The following CSN1S1 variants were observed in gnomAD, a reference collection of about 807,000 sequenced individuals.
CSN1S1 encodes alpha-S1-casein.
A neutral mutation model predicts 49.1 loss-of-function variants in CSN1S1; 63 were observed. The observed-to-expected ratio is 1.28, with a 90% CI of 1.05 to 1.58. The LOEUF (loss-of-function observed/expected upper bound fraction) is 1.58, where lower values mean the gene tolerates loss of function less well. Among genes scored for constraint, CSN1S1 ranks in the 40% most tolerant of loss-of-function variants. CSN1S1 has a pLI of 0.00. For missense variants in CSN1S1, 260 were observed against 224.7 expected (o/e 1.16, Z -1.01); for synonymous variants, 78 against 67.1 (o/e 1.16, Z -0.79).
Position 69,933,411 on chromosome 4 carries a change from A to G in CSN1S1, c.52-801A>G, listed in dbSNP as rs1722670861. ...TTCTGAAATGCAGATATAGCCTGTC[A>G]TTTACACTGACAGACTTGTTCTCTA... On this transcript the variant is annotated intron_variant, in intron 2 of 15. Transcript: ENST00000246891. Among the ~76,000 whole-genome samples the G allele has an allele frequency of 3.3e-5, 5 of 151,950 alleles. No individual in the cohort carries two copies. In the South Asian group the frequency reaches 1.0e-3, roughly 31 times the overall value.
chr4:69,946,172 A>G (rs1233733767), intron 15 of CSN1S1, 24 bp from the exon 16 acceptor site: 2 of 529,382 alleles, frequency 3.8e-6, no homozygotes, highest in Non-Finnish European at 7.0e-6. Flanking sequence ...ATAACTCACC[A>G]CATATTTCTA....
intron 14 of CSN1S1, 74 bp downstream of exon 14, chr4:69,942,651 C>T (rs1723014854): frequency 2.6e-6 from 3 of 1,165,110 alleles, no homozygotes; most frequent in African/African-American, 1.6e-5. Flanking sequence ...TTAAATAGCC[C>T]CCTACTCTTG....
intron 8 of CSN1S1, 102 bp downstream of exon 8, chr4:69,937,246 A>T: frequency 1.2e-6 from 1 of 853,280 alleles, no homozygotes; most frequent in South Asian, 1.9e-5. Context: ...TATGGCAGAT[A>T]ACTCTAATTC....
At chr4:69,944,795 A>G (rs1024630572) in intron 14 of CSN1S1, 55 bp from the exon 15 acceptor site, 53 of 1,546,204 alleles carry the variant, frequency 3.4e-5, no homozygotes, top group Non-Finnish European at 4.2e-5. Context: ...TTTTTCAGGG[A>G]CTGAAAAAAG....
chr4:69,935,571 A>T (rs1436925611), intron 4 of CSN1S1, among the ~76,000 whole-genome samples: 1 of 152,008 alleles, frequency 6.6e-6, no homozygotes, highest in African/African-American at 2.4e-5. Flanking sequence ...TTGTTGTTTA[A>T]CCTAAGTTAA....
chr4:69,935,005 T>C (rs1173328551), intron 4 of CSN1S1, among the ~76,000 whole-genome samples: 1 of 152,110 alleles, frequency 6.6e-6, no homozygotes, highest in Non-Finnish European at 1.5e-5. Context: ...TAAAACTAAT[T>C]ATTTGTTCTT....
chr4:69,940,887 C>G, intron 11 of CSN1S1, 132 bp from the exon 12 acceptor site: 1 of 494,362 alleles, frequency 2.0e-6, no homozygotes, highest in Non-Finnish European at 3.7e-6. Flanking sequence ...AGAAATGGCA[C>G]TCAGGTGTAA....
chr4:69,933,628 G>T (rs1722677378), intron 2 of CSN1S1, among the ~76,000 whole-genome samples: 1 of 151,978 alleles, frequency 6.6e-6, no homozygotes, highest in Admixed American at 6.6e-5. Context: ...GTGGGGAAAA[G>T]CAGCCCAGAA....
chr4:69,942,283 T>C (rs1432602450), intron 13 of CSN1S1, among the ~76,000 whole-genome samples: 2 of 151,952 alleles, frequency 1.3e-5, no homozygotes, highest in Non-Finnish European at 2.9e-5. Flanking sequence ...GGTAGGTTAT[T>C]ATTTTTCCTC....
intron 4 of CSN1S1, among the ~76,000 whole-genome samples, 157 bp from the exon 5 acceptor site, chr4:69,935,769 C>G (rs751988124): frequency 6.6e-6 from 1 of 152,036 alleles, no homozygotes; most frequent in Non-Finnish European, 1.5e-5. Flanking sequence ...ATAGAATGCT[C>G]TTAACTATAA....
At chr4:69,937,034 TGA>T in intron 7 of CSN1S1, 85 bp from the exon 8 acceptor site, 2 of 1,033,206 alleles carry the variant, frequency 1.9e-6, no homozygotes, top group South Asian at 3.1e-5. Context: ...GAATTGGTAT[TGA>T]GAGAGCAGGT....
chr4:69,943,120 A>C (rs1446266831), intron 14 of CSN1S1, among the ~76,000 whole-genome samples: 1 of 150,618 alleles, frequency 6.6e-6, no homozygotes, highest in African/African-American at 2.4e-5. Flanking sequence ...TATTCTCTTC[A>C]TTTGGGCCCC....
At chr4:69,931,593 G>C (rs949919741) in intron 1 of CSN1S1, among the ~76,000 whole-genome samples, 15 of 151,868 alleles carry the variant, frequency 9.9e-5, no homozygotes, top group Admixed American at 3.9e-4. Context: ...GCTATTGATG[G>C]CTACTTTGTA....
At chr4:69,942,854 C>T (rs1229692450) in intron 14 of CSN1S1, among the ~76,000 whole-genome samples, 1 of 151,426 alleles carries the variant, frequency 6.6e-6, no homozygotes, top group Non-Finnish European at 1.5e-5. Context: ...TTTACAGTGA[C>T]ATATTGTGTC....
At chr4:69,944,059 T>G (rs1723070698) in intron 14 of CSN1S1, among the ~76,000 whole-genome samples, 1 of 152,024 alleles carries the variant, frequency 6.6e-6, no homozygotes. Context: ...CAGTTCTATC[T>G]TGAGGTAGTT....
At position 69,934,689 on chromosome 4, in the gene CSN1S1, G is replaced by A; in HGVS notation, c.85-1G>A. The A allele has an allele frequency of 6.2e-7, 1 of 1,608,068 alleles. No individual in the cohort carries two copies. Among genetic ancestry groups the A allele is most frequent in the Non-Finnish European group, 8.5e-7 (1 of 1,175,582 alleles). On this transcript the variant is annotated splice_acceptor_variant, in intron 3 of 15. Coordinates refer to ENST00000246891, the MANE Select transcript of CSN1S1 (RefSeq NM_001890.2). LOFTEE classifies it high-confidence loss of function. ...CATTTAAAAATTATTATTTTTTACA[G>A]AATCCATCAGAGAGCAGTGAGGTAA...
chr4:69,932,516 ACT>A lies in CSN1S1; in HGVS notation c.-12-25_-12-24del, dbSNP rs750756969. ...AACAAATTTAACGTAATAATATCTA[ACT>A]CTTTCTTTTTTGTTCTCTTACATAG... On this transcript the variant is annotated intron_variant, in intron 1 of 15. Coordinates refer to ENST00000246891, the MANE Select transcript of CSN1S1 (RefSeq NM_001890.2). 49 of 1,558,816 alleles carry A rather than the reference ACT, an allele frequency of 3.1e-5. No homozygotes were observed. In the East Asian group the frequency reaches 9.7e-4, roughly 31 times the overall value.
intron 4 of CSN1S1, among the ~76,000 whole-genome samples, chr4:69,935,597 A>T (rs1471591932): frequency 6.6e-6 from 1 of 152,050 alleles, no homozygotes; most frequent in African/African-American, 2.4e-5. Flanking sequence ...CCTTCCCTTC[A>T]TTCAGTCATC....
chr4:69,933,483 C>A (rs1722673394), intron 2 of CSN1S1, among the ~76,000 whole-genome samples: 1 of 151,944 alleles, frequency 6.6e-6, no homozygotes, highest in Non-Finnish European at 1.5e-5. Flanking sequence ...AACTTCTGAA[C>A]CAATAGTCTT....
Sources: gnomAD v4.1 joint callset for allele counts (sites outside exome capture counted in the v4.1 genomes callset) on GRCh38, gnomAD v4.1.1 for gene constraint, MANE v1.5 for transcripts, NCBI Gene and HGNC (gene_info 2026-07-23, HGNC 2026-07-21) for gene names.